The following METTL3 variants were observed in gnomAD, a reference collection of about 807,000 sequenced individuals.
METTL3 encodes the protein N(6)-adenosine-methyltransferase catalytic subunit METTL3.
METTL3 carries 42 observed loss-of-function variants against 64.3 expected under a neutral mutation model. That is an observed-to-expected ratio of 0.65 (90% confidence interval 0.51 to 0.84). The LOEUF is 0.84. METTL3 is among the 40% of genes least tolerant of loss of function. The pLI is 0.00. For synonymous variants in METTL3, 256 were observed against 263.6 expected (o/e 0.97, Z 0.28); for missense variants, 435 against 722.3 (o/e 0.60, Z 4.56).
At chr14:21,498,946 ATG>A (rs1323426975) in intron 10 of METTL3, 77 bp downstream of exon 10, 39 of 963,314 alleles carry the variant, frequency 4.0e-5, no homozygotes, top group Non-Finnish European at 4.5e-5. Context: ...GTGTAAAACA[ATG>A]TGAAGCTCTA....
intron 10 of METTL3, 50 bp from the exon 11 acceptor site, chr14:21,498,419 G>T: frequency 6.4e-7 from 1 of 1,555,676 alleles, no homozygotes; most frequent in Non-Finnish European, 8.8e-7. Flanking sequence ...GAATTAGAGG[G>T]TTTAATATTG....
chr14:21,508,343 AAG>A (rs574482982), intron 1 of METTL3: 252 of 152,286 alleles, frequency 1.7e-3, no homozygotes, highest in African/African-American at 5.5e-3. Flanking sequence ...ACATCTAAAA[AAG>A]AAAAAATAAA....
chr14:21,509,530 T>G (rs1754626), intron 1 of METTL3: 131,527 of 151,724 alleles, frequency 0.87, 57,531 homozygotes, highest in Middle Eastern at 0.95. Context: ...GACAGCTTGA[T>G]GCCAGGTGTT....
intron 7 of METTL3, 62 bp downstream of exon 7, chr14:21,499,702 A>AGAACATGTATCTCACTGT (rs1891508013): frequency 6.3e-7 from 1 of 1,580,616 alleles, no homozygotes; most frequent in African/African-American, 1.4e-5. Flanking sequence ...CTGGGAGAAG[A>AGAACATGTATCTCACTGT]GAACATGTAT....
At chr14:21,502,033 T>TTTA in intron 3 of METTL3, 130 bp from the exon 4 acceptor site, 1 of 636,418 alleles carries the variant, frequency 1.6e-6, no homozygotes, top group Non-Finnish European at 2.5e-6. Context: ...TTTTTTTTTT[T>TTTA]AAGAGATGGG....
Position 21,501,213 on chromosome 14 carries a change from AT to A in METTL3, c.900-85del, listed in dbSNP as rs1891560952. The A allele has an allele frequency of 3.4e-5, 35 of 1,042,926 alleles. No homozygotes were observed. The South Asian group carries it at 4.5e-4, about 13-fold the overall frequency. The allele number at this position is 1,042,926 out of a possible 1,614,324, so 64.6% of individuals were successfully genotyped here. A position where few individuals can be genotyped will look rare whatever the true frequency, so the allele number is the denominator to read the frequency against. On this transcript the variant is annotated intron_variant, in intron 4 of 10. Transcript: ENST00000298717. ...AATTCCAAATGATTTCAAAATGTCTATTTTATTACCCTCCCCTAATTCTATC... is the reference window on the plus strand; with the variant it reads ...AATTCCAAATGATTTCAAAATGTCTATTTATTACCCTCCCCTAATTCTATC...
chr14:21,506,867 A>C (rs1045489628), intron 1 of METTL3, among the ~76,000 whole-genome samples: 12 of 152,144 alleles, frequency 7.9e-5, no homozygotes, highest in Non-Finnish European at 1.6e-4. Context: ...CGTTTTGCCC[A>C]AAAAATACTA....
rs1252623153 is a variant in METTL3, at chr14:21,503,208, T to C, written c.688A>G (p.Asn230Asp). ...TGTTGTTCCTTAGTGGACTGTTGGT[T>C]CAGAAGGCTCTCTATCTCCAGATCA... ...DVDLEIESLL[N>D]QQSTKEQQSK... is the part of the protein sequence containing the mutation. The change falls in exon 3 of 11, where the codon AAC (asparagine) becomes GAC (aspartate). Residue 230 changes from asparagine (N) to aspartate (D), a missense_variant. Physicochemically the swap from Asn to Asp is conservative, Grantham distance 23. Transcript: ENST00000298717. The C allele has an allele frequency of 6.2e-7, 1 of 1,613,796 alleles. No individual in the cohort carries two copies. The highest frequency in any genetic ancestry group is 8.5e-7 in the Non-Finnish European group (1 of 1,179,836).
rs559897775 is a variant in METTL3 at position 21,500,011 on chromosome 14, T to C, written c.1305-209A>G. Among the ~76,000 whole-genome samples, 3 of 152,066 alleles carry C rather than the reference T, an allele frequency of 2.0e-5. No individual in the cohort carries two copies. The East Asian group carries it at 5.8e-4, about 29-fold the overall frequency. On this transcript the variant is annotated intron_variant, in intron 6 of 10. Transcript: ENST00000298717. ...CCTTTCTCAAAGAACAAATGTAGAG[T>C]TAAATATATATTCGGGGTAAAATTT... is the stretch of plus-strand genomic sequence containing the variant.
intron 3 of METTL3, 105 bp downstream of exon 3, chr14:21,503,068 T>C: frequency 7.9e-7 from 1 of 1,273,656 alleles, no homozygotes; most frequent in Non-Finnish European, 1.1e-6. Context: ...TCATCCCCAG[T>C]TGAGAACCAC....
rs947783586 is a variant in METTL3, at chr14:21,511,314, G to T, written c.-91C>A. ...TCCAGGATATAGCCAATTCTCACGC[G>T]GACACCCCGAAGGCTAACCGGAAAA... On this transcript the variant is annotated 5_prime_UTR_variant, in exon 1 of 11. Coordinates refer to ENST00000298717, the MANE Select transcript of METTL3 (RefSeq NM_019852.5). The T allele has an allele frequency of 2.0e-6, 3 of 1,501,172 alleles. No homozygotes were observed. The highest frequency in any genetic ancestry group is 2.8e-5 in the African/African-American group (2 of 71,414). 93.0% of individuals were successfully genotyped at this position (1,501,172 alleles called of 1,614,324 possible). A position where few individuals can be genotyped will look rare whatever the true frequency, so the allele number is the denominator to read the frequency against.
At chr14:21,502,890 G>C in intron 3 of METTL3, 1 of 341,334 alleles carries the variant, frequency 2.9e-6, no homozygotes, top group Non-Finnish European at 5.4e-6. Flanking sequence ...TTGACACTTT[G>C]GGACAGACAA....
chr14:21,510,863 T>A, intron 1 of METTL3: 1 of 437,748 alleles, frequency 2.3e-6, no homozygotes, highest in South Asian at 2.8e-5. Context: ...TGAAGAGGAG[T>A]GGGCAAGGCG....
Position 21,499,250 on chromosome 14 carries a change from T to A in METTL3, c.1518+56A>T, listed in dbSNP as rs375286996. On this transcript the variant is annotated intron_variant, in intron 9 of 10. Transcript: ENST00000298717. ...ATCTGGGATGAGAATACACCCAACA[T>A]GAATAACTGATACCAACAAAAATGT... 3.6e-5 allele frequency: 57 copies of A among 1,605,488 alleles called. No individual in the cohort carries two copies. The African/African-American group carries it at 7.4e-4, about 21-fold the overall frequency.
intron 4 of METTL3, 114 bp downstream of exon 4, chr14:21,501,614 C>A: frequency 7.2e-7 from 1 of 1,386,646 alleles, no homozygotes; most frequent in Non-Finnish European, 1.0e-6. Context: ...AGGACTTACA[C>A]AAACCATAAA....
chr14:21,510,289 T>C (rs1891800876), intron 1 of METTL3, among the ~76,000 whole-genome samples: 1 of 152,192 alleles, frequency 6.6e-6, no homozygotes, highest in African/African-American at 2.4e-5. Flanking sequence ...CTTCTATTTC[T>C]AGGGGCCAGA....
rs1229846274 is a variant in METTL3 at position 21,503,180 on chromosome 14, C to T, written c.716G>A (p.Ser239Asn). Residue 239 changes from serine (S) to asparagine (N), a missense_variant, in exon 3 of 11, where the codon AGC becomes AAC. Around this residue, in one of 9 missense-constraint regions of METTL3, gnomAD observed 40 missense variants for 89.6 expected, o/e 0.45. Transcript: ENST00000298717. ...TTTTCACATGACCCCTACCTTCTTG[C>T]TCTGTTGTTCCTTAGTGGACTGTTG... is the stretch of plus-strand genomic sequence containing the variant. ...LNQQSTKEQQ[S>N]KKVSQEILEL... The T allele has an allele frequency of 1.9e-6, 3 of 1,608,506 alleles. No homozygotes were observed. Among genetic ancestry groups the T allele is most frequent in the African/African-American group, 1.3e-5 (1 of 74,668 alleles).
At position 21,501,880 on chromosome 14, in the gene METTL3, T is replaced by C. The variant is rs1891576515; in HGVS notation, c.747A>G (p.Leu249=). 1 of 1,614,076 alleles carries C rather than the reference T, an allele frequency of 6.2e-7. No individual in the cohort carries two copies. The highest frequency in any genetic ancestry group is 1.3e-5 in the African/African-American group (1 of 74,940). Residue 249 remains leucine (L), a synonymous_variant, in exon 4 of 11, where the codon CTA becomes CTG. Transcript: ENST00000298717. ...GTTCCTTGGCTGTTGTAGTATTTAATAGCTCTAGGATCTCCTGACTGACCT... is the reference window on the plus strand; with the variant it reads ...GTTCCTTGGCTGTTGTAGTATTTAACAGCTCTAGGATCTCCTGACTGACCT... ...SKKVSQEILE[L]LNTTTAKEQS... is the part of the protein sequence containing the mutation.
chr14:21,509,913 CAT>C (rs1891791890), intron 1 of METTL3, among the ~76,000 whole-genome samples: 1 of 152,154 alleles, frequency 6.6e-6, no homozygotes, highest in Admixed American at 6.5e-5. Flanking sequence ...ATTGCCTGAC[CAT>C]ATGACTTGCA....
Sources: allele counts gnomAD v4.1 joint callset (sites outside exome capture counted in the v4.1 genomes callset), GRCh38; gene constraint gnomAD v4.1.1; regional missense constraint gnomAD v4.1.1; transcripts MANE v1.5; gene names NCBI Gene and HGNC (gene_info 2026-07-23, HGNC 2026-07-21).